Variants in ADAMTS18 observed in about 807,000 individuals in gnomAD.
ADAMTS18 encodes ADAM metallopeptidase with thrombospondin type 1 motif 18.
A neutral mutation model predicts 165.9 loss-of-function variants in ADAMTS18; 157 were observed. That is an observed-to-expected ratio of 0.95 (90% CI 0.83 to 1.08). ADAMTS18 has a LOEUF of 1.08. ADAMTS18 is among the 50% of genes least tolerant of loss of function. ADAMTS18 has a pLI of 0.00. For synonymous variants in ADAMTS18, 782 were observed against 578.2 expected (o/e 1.35, Z -5.06); for missense variants, 2,040 against 1,534.0 (o/e 1.33, Z -5.51).
At chr16:77,362,027 C>A (rs941038353) in intron 7 of ADAMTS18, 78 bp downstream of exon 7, 9 of 1,473,746 alleles carry the variant, frequency 6.1e-6, no homozygotes, top group Non-Finnish European at 8.5e-6. Flanking sequence ...AACATAAGGG[C>A]TATCCATCAT....
intron 16 of ADAMTS18, among the ~76,000 whole-genome samples, chr16:77,318,008 T>C (rs11866007): frequency 0.3 from 45,486 of 152,012 alleles, 7,497 homozygotes; most frequent in East Asian, 0.61. Flanking sequence ...TATGTCGCTT[T>C]CCTCAGCACC....
At position 77,283,690 on chromosome 16, in the gene ADAMTS18, C is replaced by T; in HGVS notation, c.*266G>A. On this transcript the variant is annotated 3_prime_UTR_variant, in exon 23 of 23. Coordinates refer to ENST00000282849, the MANE Select transcript of ADAMTS18 (RefSeq NM_199355.4). ...TCTCAGTGTGATTCACCACTTCTTG[C>T]ATATAACAGTGCAAATCAAAGATTT... 1 of 442,452 alleles carries T rather than the reference C, an allele frequency of 2.3e-6. No homozygotes were observed. The highest frequency in any genetic ancestry group is 4.6e-5 in the East Asian group (1 of 21,850). 27.4% of individuals were successfully genotyped at this position (442,452 alleles called of 1,614,324 possible).
At chr16:77,432,224 C>G (rs1042500020) in intron 2 of ADAMTS18, among the ~76,000 whole-genome samples, 1 of 152,152 alleles carries the variant, frequency 6.6e-6, no homozygotes, top group Non-Finnish European at 1.5e-5. Context: ...TTGTATCACC[C>G]TTAGCATTTT....
At chr16:77,377,054 A>T in intron 3 of ADAMTS18, among the ~76,000 whole-genome samples, 1 of 152,150 alleles carries the variant, frequency 6.6e-6, no homozygotes, top group Non-Finnish European at 1.5e-5. Context: ...ACTTCAAGTG[A>T]TCCATCTGCC....
intron 15 of ADAMTS18, 73 bp downstream of exon 15, chr16:77,321,006 T>A (rs1435221793): frequency 1.9e-6 from 3 of 1,589,954 alleles, no homozygotes; most frequent in South Asian, 1.1e-5. Flanking sequence ...TCAACCACAT[T>A]TGGCGTGACT....
At chr16:77,326,185 A>G (rs2056093172) in intron 12 of ADAMTS18, 147 bp from the exon 13 acceptor site, 2 of 787,052 alleles carry the variant, frequency 2.5e-6, no homozygotes, top group African/African-American at 1.7e-5. Flanking sequence ...GGAAGTACAT[A>G]GCATACAACT....
chr16:77,431,715 T>A, intron 2 of ADAMTS18, 104 bp from the exon 3 acceptor site: 1 of 1,194,946 alleles, frequency 8.4e-7, no homozygotes, highest in Non-Finnish European at 1.2e-6. Flanking sequence ...AAGATATCTT[T>A]GTTCCTATTG....
In ADAMTS18 at chr16:77,341,696, C is replaced by T; in HGVS notation, c.1710+8G>A. 1 of 1,607,838 alleles carries T rather than the reference C, an allele frequency of 6.2e-7. No individual in the cohort carries two copies. The highest frequency in any genetic ancestry group is 8.5e-7 in the Non-Finnish European group (1 of 1,175,090). On this transcript the variant is annotated splice_region_variant and intron_variant, in intron 11 of 22. Coordinates refer to ENST00000282849, the MANE Select transcript of ADAMTS18 (RefSeq NM_199355.4). ...CTGGAGCTAAAAACTAACAAGTATG[C>T]AGTTTACCATACTCAAGCCACAAAC... is the stretch of plus-strand genomic sequence containing the variant.
chr16:77,327,387 C>T (rs764253576), intron 12 of ADAMTS18, among the ~76,000 whole-genome samples: 5 of 152,154 alleles, frequency 3.3e-5, no homozygotes, highest in Non-Finnish European at 5.9e-5. Context: ...TATGCCTTTG[C>T]ATCCTCATAC....
At position 77,283,161 on chromosome 16, in the gene ADAMTS18, T is replaced by G. The variant is rs569772279; in HGVS notation, c.*795A>C. On this transcript the variant is annotated 3_prime_UTR_variant, in exon 23 of 23. Transcript: ENST00000282849. ...GAGCGGGCTGTAGCTTTTCATGGAC[T>G]GATTCAGCAAGCACCAAAAGTTACG... The G allele has an allele frequency of 1.1e-4, 17 of 152,694 alleles. No homozygotes were observed. The highest frequency in any genetic ancestry group is 3.8e-4 in the African/African-American group (16 of 41,566). The allele number at this position is 152,694 out of a possible 1,614,324, so 9.5% of individuals were successfully genotyped here. A position where few individuals can be genotyped will look rare whatever the true frequency, so the allele number is the denominator to read the frequency against.
intron 15 of ADAMTS18, among the ~76,000 whole-genome samples, chr16:77,320,812 A>C (rs1256261299): frequency 6.6e-6 from 1 of 152,238 alleles, no homozygotes; most frequent in Admixed American, 6.5e-5. Flanking sequence ...TCTTTGCTTA[A>C]CAAATGCACT....
intron 12 of ADAMTS18, among the ~76,000 whole-genome samples, chr16:77,334,761 TACAGTATATATACTATAGTATACAGTAA>T (rs1371204063): frequency 1.4e-3 from 150 of 105,826 alleles, no homozygotes; most frequent in Non-Finnish European, 2.3e-3. Context: ...TACTATAGTA[TACAGTATATATACTATAGTATACAGTAA>T]ATATACTATA....
At chr16:77,406,739 T>C (rs1387989765) in intron 3 of ADAMTS18, among the ~76,000 whole-genome samples, 1 of 151,764 alleles carries the variant, frequency 6.6e-6, no homozygotes, top group Non-Finnish European at 1.5e-5. Context: ...ACTGGACAAA[T>C]AAAATTTTGT....
intron 3 of ADAMTS18, among the ~76,000 whole-genome samples, chr16:77,391,201 T>G (rs1012871644): frequency 1.3e-5 from 2 of 152,078 alleles, no homozygotes; most frequent in African/African-American, 4.8e-5. Flanking sequence ...GTCCTTTGTT[T>G]TATATAAGAC....
chr16:77,309,216 AG>A (rs139344347), intron 16 of ADAMTS18, among the ~76,000 whole-genome samples: 35,668 of 149,866 alleles, frequency 0.24, 4,859 homozygotes, highest in East Asian at 0.62. Flanking sequence ...GTAGCTGGCT[AG>A]TTTTTTTTTT....
intron 3 of ADAMTS18, 143 bp downstream of exon 3, chr16:77,431,147 TAATTC>T: frequency 1.2e-6 from 1 of 823,128 alleles, no homozygotes. Context: ...CACATTAGAT[TAATTC>T]AATTGAGAAT....
chr16:77,345,495 A>AT (rs1266689129), intron 10 of ADAMTS18, among the ~76,000 whole-genome samples: 1 of 151,964 alleles, frequency 6.6e-6, no homozygotes, highest in Non-Finnish European at 1.5e-5. Flanking sequence ...CATTTCTACT[A>AT]CCCTGTTCCA....
intron 3 of ADAMTS18, among the ~76,000 whole-genome samples, chr16:77,401,301 T>C (rs570103232): frequency 1.3e-5 from 2 of 152,088 alleles, no homozygotes; most frequent in Admixed American, 6.5e-5. Context: ...AGAAACCAAA[T>C]TGTAACATAA....
At position 77,291,546 on chromosome 16, in the gene ADAMTS18, T is replaced by C. The variant is rs1363367187; in HGVS notation, c.3190-68A>G. ...ATCACATCTTCTGGACAGAGGCAGTTTGACATAAGGTTGCACCATCCACAT... is the reference window on the plus strand; with the variant it reads ...ATCACATCTTCTGGACAGAGGCAGTCTGACATAAGGTTGCACCATCCACAT... On this transcript the variant is annotated intron_variant, in intron 20 of 22. Coordinates refer to ENST00000282849, the MANE Select transcript of ADAMTS18 (RefSeq NM_199355.4). 2.7e-6 allele frequency: 4 copies of C among 1,501,734 alleles called. No individual in the cohort carries two copies. In the East Asian group the frequency reaches 6.8e-5, roughly 25 times the overall value. The allele number at this position is 1,501,734 out of a possible 1,614,324, so 93.0% of individuals were successfully genotyped here.
Sources: allele counts gnomAD v4.1 joint callset (sites outside exome capture counted in the v4.1 genomes callset), GRCh38; gene constraint gnomAD v4.1.1; transcripts MANE v1.5; gene names NCBI Gene and HGNC (gene_info 2026-07-23, HGNC 2026-07-21).